HERC2: variants seen among roughly 807,000 people sequenced by gnomAD.
HERC2 encodes the protein E3 ubiquitin-protein ligase HERC2.
In HERC2, 102 loss-of-function variants were observed where a neutral mutation model predicts 537.7. The ratio of observed to expected loss-of-function variants is 0.19; its 90% CI spans 0.16 to 0.22. HERC2 has a LOEUF of 0.22. Among genes scored for constraint, HERC2 ranks in the 10% least tolerant of loss-of-function variants. The pLI, the probability that HERC2 is intolerant of heterozygous loss-of-function variation, is 1.00. For synonymous variants in HERC2, 2,224 were observed against 2,466.2 expected, an observed-to-expected ratio of 0.90 and a Z score of 2.91; for missense variants, 4,236 against 6,198.2, an observed-to-expected ratio of 0.68 and a Z score of 10.63.
intron 7 of HERC2, among the ~76,000 whole-genome samples, chr15:28,273,773 C>A (rs2075800762): frequency 6.6e-6 from 1 of 152,162 alleles, no homozygotes; most frequent in African/African-American, 2.4e-5. Context: ...TTTATATTTT[C>A]TTTAAATTTA....
chr15:28,138,689 C>A (rs1890895549), intron 78 of HERC2, among the ~76,000 whole-genome samples: 1 of 152,090 alleles, frequency 6.6e-6, no homozygotes, highest in African/African-American at 2.4e-5. Context: ...TGTTTTCATG[C>A]CGGCTAACAC....
At position 28,177,369 on chromosome 15, in the gene HERC2, G is replaced by T. The variant is rs950337459; in HGVS notation, c.9254+50C>A. The T allele has an allele frequency of 6.6e-6, 10 of 1,515,912 alleles. No individual in the cohort carries two copies. Among genetic ancestry groups the T allele is most frequent in the Non-Finnish European group, 9.2e-6 (10 of 1,091,070 alleles). 93.9% of individuals were successfully genotyped at this position (1,515,912 alleles called of 1,614,324 possible). On this transcript the variant is annotated intron_variant, in intron 60 of 92. Transcript: ENST00000261609. The surrounding 1 kb of genome is among the most constrained non-coding windows in gnomAD (Gnocchi z 5.0). ...TGCAAAATAATTCTCAAGAGTATCA[G>T]TCAGAAACAGTTTCTTATTAGCAAA...
At chr15:28,291,522 G>A (rs902534873) in intron 4 of HERC2, among the ~76,000 whole-genome samples, 1 of 151,986 alleles carries the variant, frequency 6.6e-6, no homozygotes, top group African/African-American at 2.4e-5. Context: ...TGGGCAGTCA[G>A]GTGAAATTTC....
rs1891228740 is a variant in HERC2 at position 28,141,600 on chromosome 15, A to G, written c.11847T>C (p.Gly3949=). Residue 3949 remains glycine, a synonymous_variant, in exon 78 of 93, where the codon GGT becomes GGC. Coordinates refer to ENST00000261609, the MANE Select transcript of HERC2 (RefSeq NM_004667.6). The part of the protein sequence containing the change: ...RRPDDWTLSA[G]GSGTIYGWGH... Reference sequence around the variant, plus strand: ...CCCATCCATAAATTGTTCCACTGCCACCAGCAGAGAGAGTCCAGTCATCTG... The same window carrying G: ...CCCATCCATAAATTGTTCCACTGCCGCCAGCAGAGAGAGTCCAGTCATCTG... The G allele has an allele frequency of 6.2e-7, 1 of 1,614,038 alleles. No individual in the cohort carries two copies. The highest frequency in any genetic ancestry group is 8.5e-7 in the Non-Finnish European group (1 of 1,180,044).
chr15:28,225,922 G>A (rs189036456), intron 35 of HERC2, among the ~76,000 whole-genome samples: 32 of 152,162 alleles, frequency 2.1e-4, no homozygotes, highest in African/African-American at 6.0e-4. Flanking sequence ...GAATAGACCC[G>A]TAACAAGTAA....
At chr15:28,224,161 A>C (rs1900840859) in intron 35 of HERC2, among the ~76,000 whole-genome samples, 1 of 149,738 alleles carries the variant, frequency 6.7e-6, no homozygotes, top group South Asian at 2.1e-4. Flanking sequence ...ACACACACAC[A>C]CACACAGAGA....
chr15:28,213,997 C>G, intron 41 of HERC2, 25 bp from the exon 42 acceptor site: 1 of 1,611,324 alleles, frequency 6.2e-7, no homozygotes, highest in South Asian at 1.1e-5. Context: ...ACAGCGAGCT[C>G]GACAGAGACA....
In HERC2 at chr15:28,152,760, C is replaced by T. The variant is rs774314480; in HGVS notation, c.10817G>A (p.Arg3606His). Residue 3606 changes from arginine to histidine, a missense_variant, in exon 70 of 93, where the codon CGC becomes CAC. Coordinates refer to ENST00000261609, the MANE Select transcript of HERC2 (RefSeq NM_004667.6). ...CACCACCACAGGCTGAGAAGAGAGG[C>T]GGCCGCTCTGCGAGTCTGTGGCCAC... ...EDVATDSQSG[R>H]LSSQPVVVES... The T allele has an allele frequency of 1.1e-4, 164 of 1,552,582 alleles. No individual in the cohort carries two copies. Among genetic ancestry groups the T allele is most frequent in the Non-Finnish European group, 1.3e-4 (147 of 1,147,484 alleles).
intron 2 of HERC2, among the ~76,000 whole-genome samples, chr15:28,307,430 T>A (rs1238602526): frequency 2.6e-5 from 4 of 152,242 alleles, no homozygotes; most frequent in South Asian, 2.1e-4. Flanking sequence ...TAGCTCCTTC[T>A]TTTCTAGTTC....
chr15:28,198,819 A>T, intron 48 of HERC2, 50 bp from the exon 49 acceptor site: 1 of 1,491,922 alleles, frequency 6.7e-7, no homozygotes, highest in Non-Finnish European at 9.2e-7. Context: ...ACACAGGTGA[A>T]ATGAGCCATG....
In HERC2 at chr15:28,114,708, G is replaced by A. The variant is rs751672631; in HGVS notation, c.13817C>T (p.Pro4606Leu). The change falls in exon 90 of 93, where the codon CCA becomes CTA. Residue 4606 changes from proline to leucine, a missense_variant. Physicochemically the swap from Pro to Leu is moderately conservative, Grantham distance 98 (BLOSUM62 -3). Around this residue, in one of 27 missense-constraint regions of HERC2, gnomAD observed 313 missense variants for 462.6 expected, o/e 0.68. Coordinates refer to ENST00000261609, the MANE Select transcript of HERC2 (RefSeq NM_004667.6). ...CTGAATGTCCTGGCCACTGGCACTT[G>A]GCACTGTGAAGGGCAGGCTCATGGC... is the stretch of plus-strand genomic sequence containing the variant. Reference protein sequence around the residue: ...FEAMSLPFTVPSASGQDIQLS... With the variant: ...FEAMSLPFTVLSASGQDIQLS... 1.2e-6 allele frequency: 2 copies of A among 1,614,108 alleles called. No homozygotes were observed. The highest frequency in any genetic ancestry group is 1.7e-5 in the Admixed American group (1 of 60,014).
At chr15:28,296,701 A>C (rs972811163) in intron 3 of HERC2, among the ~76,000 whole-genome samples, 1 of 151,940 alleles carries the variant, frequency 6.6e-6, no homozygotes, top group Non-Finnish European at 1.5e-5. Flanking sequence ...AAAAAAAAAA[A>C]AAAAAAAGGT....
intron 2 of HERC2, among the ~76,000 whole-genome samples, chr15:28,310,246 G>C (rs2076904240): frequency 6.6e-6 from 1 of 152,142 alleles, no homozygotes; most frequent in South Asian, 2.1e-4. Context: ...AGGAGTACAA[G>C]ACCAGCCTGA....
chr15:28,299,667 T>C (rs1290438503), intron 2 of HERC2, 151 bp from the exon 3 acceptor site: 16 of 599,294 alleles, frequency 2.7e-5, no homozygotes, highest in Non-Finnish European at 4.5e-5. Context: ...GATTTAATCA[T>C]TTTACATTTC....
Position 28,218,597 on chromosome 15 carries a change from G to C in HERC2, c.5920C>G (p.Leu1974Val), listed in dbSNP as rs753813346. ...GCATGAACTCCAGCAGACAGACAAA[G>C]AGTCTGCAGTAAGTTAATAGTGCTG... Reference protein sequence around the residue: ...FTSTINLLQTLCLSAGVHAEI... With the variant: ...FTSTINLLQTVCLSAGVHAEI... The change falls in exon 38 of 93, where the codon CTT (leucine) becomes GTT (valine). Residue 1974 changes from leucine to valine, a missense_variant. Around this residue, in one of 27 missense-constraint regions of HERC2, gnomAD observed 365 missense variants for 468.8 expected, o/e 0.78. Coordinates refer to ENST00000261609, the MANE Select transcript of HERC2 (RefSeq NM_004667.6). The C allele has an allele frequency of 1.9e-6, 3 of 1,593,278 alleles. No homozygotes were observed. The highest frequency in any genetic ancestry group is 3.3e-5 in the Admixed American group (2 of 60,004).
At chr15:28,260,180 A>AG (rs1285780114) in intron 16 of HERC2, among the ~76,000 whole-genome samples, 2 of 151,926 alleles carry the variant, frequency 1.3e-5, no homozygotes, top group East Asian at 1.9e-4. Flanking sequence ...TCTCCAAAAA[A>AG]GAAAAAAAAA....
chr15:28,291,659 G>A (rs908107285), intron 4 of HERC2, among the ~76,000 whole-genome samples: 3 of 152,008 alleles, frequency 2.0e-5, no homozygotes, highest in African/African-American at 7.3e-5. Context: ...AAATGTATGG[G>A]TTTTACTGGG....
chr15:28,246,678 A>G (rs780475346), intron 22 of HERC2, 64 bp downstream of exon 22: 4 of 1,370,862 alleles, frequency 2.9e-6, no homozygotes, highest in South Asian at 1.5e-5. Flanking sequence ...TCAGCAAAGA[A>G]GACACTTTAG....
intron 2 of HERC2, among the ~76,000 whole-genome samples, chr15:28,318,168 G>T (rs1482296314): frequency 2.6e-5 from 4 of 152,108 alleles, no homozygotes; most frequent in Non-Finnish European, 2.9e-5. Flanking sequence ...CTTAACTGAC[G>T]TTTTGGTTTG....
Sources: gnomAD v4.1 joint callset for allele counts (sites outside exome capture counted in the v4.1 genomes callset) on GRCh38, gnomAD v4.1.1 for gene constraint, gnomAD v4.1.1 regional missense constraint, Gnocchi (gnomAD v3.1) non-coding constraint, MANE v1.5 for transcripts, NCBI Gene and HGNC (gene_info 2026-07-23, HGNC 2026-07-21) for gene names.